KLHDC10: variants seen among roughly 807,000 people sequenced by gnomAD.
KLHDC10 encodes the protein kelch domain-containing protein 10.
A neutral mutation model predicts 56.1 loss-of-function variants in KLHDC10; 24 were observed. That is an observed-to-expected ratio of 0.43 (90% CI 0.31 to 0.60). The LOEUF (loss-of-function observed/expected upper bound fraction) is 0.60, where lower values mean the gene tolerates loss of function less well. Among genes scored for constraint, KLHDC10 ranks in the 20% least tolerant of loss-of-function variants. The pLI is 0.11. For synonymous variants in KLHDC10, 188 were observed against 207.1 expected (o/e 0.91, Z 0.79); for missense variants, 349 against 567.0 (o/e 0.62, Z 3.91).
intron 8 of KLHDC10, among the ~76,000 whole-genome samples, chr7:130,128,889 A>AAAAAAAAAAAAAAAAATATATAT: frequency 1.5e-5 from 1 of 66,956 alleles, no homozygotes; most frequent in Non-Finnish European, 2.8e-5. Flanking sequence ...AAAAAAAAAA[A>AAAAAAAAAAAAAAAAATATATAT]ATATATATAT....
chr7:130,092,732 G>A (rs1795792725), intron 1 of KLHDC10, among the ~76,000 whole-genome samples: 1 of 152,148 alleles, frequency 6.6e-6, no homozygotes, highest in East Asian at 1.9e-4. Context: ...AGAGGTAGAT[G>A]GCTGGGAGGG....
In KLHDC10 at chr7:130,135,573, C is replaced by T; in HGVS notation, c.*4827C>T. On this transcript the variant is annotated 3_prime_UTR_variant, in exon 10 of 10. Transcript: ENST00000335420. Reference sequence around the variant, plus strand: ...TGATCAGGACAGCTTTTCCACTTTACTCGGTTTCCTACAAGCAAGTAGGAA... The same window carrying T: ...TGATCAGGACAGCTTTTCCACTTTATTCGGTTTCCTACAAGCAAGTAGGAA... The T allele has an allele frequency of 1.3e-5, 2 of 154,498 alleles. No individual in the cohort carries two copies. Among genetic ancestry groups the T allele is most frequent in the Middle Eastern group, 1.0e-3 (2 of 1,926 alleles). The allele number at this position is 154,498 out of a possible 1,614,324, so 9.6% of individuals were successfully genotyped here.
intron 2 of KLHDC10, among the ~76,000 whole-genome samples, chr7:130,102,202 CCTGT>C (rs1055170118): frequency 3.3e-5 from 5 of 152,278 alleles, no homozygotes; most frequent in Admixed American, 3.3e-4. Context: ...TAAAGGGAAG[CCTGT>C]CTGTCAGTGT....
chr7:130,109,062 G>A (rs1291233568), intron 2 of KLHDC10, among the ~76,000 whole-genome samples: 1 of 151,804 alleles, frequency 6.6e-6, no homozygotes, highest in Non-Finnish European at 1.5e-5. Flanking sequence ...CTGCAGGTGT[G>A]CGCCACCACA....
chr7:130,082,172 G>A (rs757174654), intron 1 of KLHDC10, among the ~76,000 whole-genome samples: 9 of 152,130 alleles, frequency 5.9e-5, no homozygotes, highest in Non-Finnish European at 1.3e-4. Context: ...ATATTAGCCA[G>A]CTGTGGGGGC....
At chr7:130,106,050 GA>G (rs1383803989) in intron 2 of KLHDC10, among the ~76,000 whole-genome samples, 1 of 152,060 alleles carries the variant, frequency 6.6e-6, no homozygotes, top group Non-Finnish European at 1.5e-5. Context: ...TCGGGAGACT[GA>G]GACAGGAGAA....
At chr7:130,076,608 G>T (rs984054499) in intron 1 of KLHDC10, among the ~76,000 whole-genome samples, 2 of 152,048 alleles carry the variant, frequency 1.3e-5, no homozygotes, top group African/African-American at 4.8e-5. Flanking sequence ...TAAGTTAAAT[G>T]CACTTACCCA....
intron 2 of KLHDC10, among the ~76,000 whole-genome samples, chr7:130,113,971 C>T (rs1410791884): frequency 6.6e-6 from 1 of 152,122 alleles, no homozygotes; most frequent in Non-Finnish European, 1.5e-5. Flanking sequence ...AGCATTTGTG[C>T]CTTGAGAAGA....
chr7:130,087,216 A>G (rs1165497205), intron 1 of KLHDC10, among the ~76,000 whole-genome samples: 1 of 152,186 alleles, frequency 6.6e-6, no homozygotes, highest in East Asian at 1.9e-4. Flanking sequence ...TGAGGTCCTC[A>G]CTGGTGTAAA....
At chr7:130,126,134 GGTGAGACCCT>G (rs1013774173) in intron 7 of KLHDC10, among the ~76,000 whole-genome samples, 60 of 152,074 alleles carry the variant, frequency 3.9e-4, no homozygotes, top group African/African-American at 1.4e-3. Context: ...CAAGCAACAT[GGTGAGACCCT>G]GTGTCTACAA....
chr7:130,099,653 G>A (rs1795902402), intron 2 of KLHDC10, among the ~76,000 whole-genome samples: 1 of 152,196 alleles, frequency 6.6e-6, no homozygotes, highest in Non-Finnish European at 1.5e-5. Context: ...TTTTAGAGAT[G>A]TAGAGAAAGT....
intron 6 of KLHDC10, among the ~76,000 whole-genome samples, chr7:130,124,931 G>A (rs1796295119): frequency 6.6e-6 from 1 of 152,152 alleles, no homozygotes; most frequent in Non-Finnish European, 1.5e-5. Flanking sequence ...TCATGAACTT[G>A]AGAAAGCTGA....
intron 2 of KLHDC10, among the ~76,000 whole-genome samples, chr7:130,098,851 T>G (rs1426834290): frequency 6.6e-6 from 1 of 152,206 alleles, no homozygotes; most frequent in Non-Finnish European, 1.5e-5. Context: ...GGTGTTTGTT[T>G]TTCAATTTTT....
At chr7:130,076,715 C>T (rs1795509265) in intron 1 of KLHDC10, among the ~76,000 whole-genome samples, 1 of 152,144 alleles carries the variant, frequency 6.6e-6, no homozygotes, top group Non-Finnish European at 1.5e-5. Flanking sequence ...TCATTTAGTT[C>T]AGCTTTGCCC....
chr7:130,073,400 A>G (rs1795451456), intron 1 of KLHDC10, among the ~76,000 whole-genome samples: 1 of 150,842 alleles, frequency 6.6e-6, no homozygotes, highest in Non-Finnish European at 1.5e-5. Context: ...AACTCTAGCA[A>G]TTCTCCTGTC....
rs1280141383 is a variant in KLHDC10, at chr7:130,116,298, A to G, written c.254-147A>G. The G allele has an allele frequency of 1.6e-6, 1 of 621,050 alleles. No individual in the cohort carries two copies. The highest frequency in any genetic ancestry group is 2.9e-6 in the Non-Finnish European group (1 of 350,376). The allele number at this position is 621,050 out of a possible 1,614,324, so 38.5% of individuals were successfully genotyped here. A position where few individuals can be genotyped will look rare whatever the true frequency, so the allele number is the denominator to read the frequency against. On this transcript the variant is annotated intron_variant, in intron 2 of 9. Coordinates refer to ENST00000335420, the MANE Select transcript of KLHDC10 (RefSeq NM_014997.4). The surrounding 1 kb of genome is among the most constrained non-coding windows in gnomAD (Gnocchi z 4.8). ...AGAAGTATTATTAGGAAGTATATCC[A>G]TGTTATAAATCTAAACAAATAAGAA...
In KLHDC10 at chr7:130,120,973, T is replaced by C; in HGVS notation, c.630+70T>C. ...TAGTCTGGGGATGGTGTTAGAATAT[T>C]TGTAATTGTTACCATTTTATTTTAA... is the stretch of plus-strand genomic sequence containing the variant. On this transcript the variant is annotated intron_variant, in intron 4 of 9. Transcript: ENST00000335420. This position sits in a 1 kb window ranked among gnomAD's most constrained non-coding sequence, Gnocchi z 5.1. 1 of 1,401,624 alleles carries C rather than the reference T, an allele frequency of 7.1e-7. No individual in the cohort carries two copies. Among genetic ancestry groups the C allele is most frequent in the South Asian group, 1.4e-5 (1 of 72,514 alleles). 86.8% of individuals were successfully genotyped at this position (1,401,624 alleles called of 1,614,324 possible).
chr7:130,130,826 A>G lies in KLHDC10; in HGVS notation c.*80A>G. 7.3e-7 allele frequency: 1 copy of G among 1,365,554 alleles called. No homozygotes were observed. The highest frequency in any genetic ancestry group is 1.2e-5 in the South Asian group (1 of 83,918). The allele number at this position is 1,365,554 out of a possible 1,614,324, so 84.6% of individuals were successfully genotyped here. A position where few individuals can be genotyped will look rare whatever the true frequency, so the allele number is the denominator to read the frequency against. On this transcript the variant is annotated 3_prime_UTR_variant, in exon 10 of 10. Transcript: ENST00000335420. This position sits in a 1 kb window ranked among gnomAD's most constrained non-coding sequence, Gnocchi z 4.2. ...ATTTATGGGCAGTGTAGAATGTGCT[A>G]CAAAGAGGATTGGTTACCCTGATCA...
chr7:130,103,637 AAGATAAATGC>A, intron 2 of KLHDC10, among the ~76,000 whole-genome samples: 1 of 152,282 alleles, frequency 6.6e-6, no homozygotes, highest in South Asian at 2.1e-4. Flanking sequence ...GGTTTGCTAC[AAGATAAATGC>A]CTTCAGTGTT....
Sources: gnomAD v4.1 joint callset for allele counts (sites outside exome capture counted in the v4.1 genomes callset) on GRCh38, gnomAD v4.1.1 for gene constraint, Gnocchi (gnomAD v3.1) non-coding constraint, MANE v1.5 for transcripts, NCBI Gene and HGNC (gene_info 2026-07-23, HGNC 2026-07-21) for gene names.